Variants in STAT3 observed in about 807,000 individuals in gnomAD.
STAT3 encodes the protein DNA-binding protein APRF.
STAT3 carries 7 observed loss-of-function variants against 114.3 expected under a neutral mutation model. The observed-to-expected ratio is 0.06, with a 90% CI of 0.03 to 0.11. The LOEUF (loss-of-function observed/expected upper bound fraction) is 0.11. STAT3 is among the 10% of genes least tolerant of loss of function. The pLI, the probability that STAT3 is intolerant of heterozygous loss-of-function variation, is 1.00. For synonymous variants in STAT3, 331 were observed against 354.5 expected, an observed-to-expected ratio of 0.93 and a Z score of 0.74; for missense variants, 364 against 960.9, an observed-to-expected ratio of 0.38 and a Z score of 8.21.
At chr17:42,316,131 G>C in intron 23 of STAT3, 1 of 1,269,144 alleles carries the variant, frequency 7.9e-7, no homozygotes, top group Non-Finnish European at 1.0e-6. Context: ...TTTGAGATTT[G>C]GTTTGTCCAA....
At chr17:42,328,561 C>T (rs1416808591) in intron 14 of STAT3, among the ~76,000 whole-genome samples, 3 of 152,176 alleles carry the variant, frequency 2.0e-5, no homozygotes, top group Non-Finnish European at 4.4e-5. Context: ...GCGTGCACCA[C>T]CACACCCAGC....
intron 1 of STAT3, among the ~76,000 whole-genome samples, chr17:42,382,654 CTT>C (rs66812455): frequency 6.9e-6 from 1 of 145,558 alleles, no homozygotes; most frequent in Non-Finnish European, 1.5e-5. Flanking sequence ...TTTTTTTTTT[CTT>C]TTTTTTTTGA....
chr17:42,347,874 T>A (rs990984346), intron 2 of STAT3, among the ~76,000 whole-genome samples: 1 of 152,216 alleles, frequency 6.6e-6, no homozygotes, highest in African/African-American at 2.4e-5. Context: ...CAGCAGATGC[T>A]GCTATGCTTC....
chr17:42,330,110 CTTTTCTT>C (rs1215607064), intron 11 of STAT3, among the ~76,000 whole-genome samples: 1 of 148,486 alleles, frequency 6.7e-6, no homozygotes, highest in Non-Finnish European at 1.5e-5. Context: ...TGCATTTTAT[CTTTTCTT>C]TTTTCTTTTT....
intron 1 of STAT3, among the ~76,000 whole-genome samples, chr17:42,385,046 AT>A (rs1208422415): frequency 6.6e-6 from 1 of 152,212 alleles, no homozygotes; most frequent in African/African-American, 2.4e-5. Context: ...ATGTTCTTTT[AT>A]GTAGAACAGC....
chr17:42,354,806 C>CAAAAAAAAAAAAAAAAAAAAAAAA (rs59204136), intron 1 of STAT3, among the ~76,000 whole-genome samples: 1 of 104,440 alleles, frequency 9.6e-6, no homozygotes. Flanking sequence ...GACTCTGTCT[C>CAAAAAAAAAAAAAAAAAAAAAAAA]AAAAAAAAAA....
intron 1 of STAT3, among the ~76,000 whole-genome samples, chr17:42,362,025 GA>G (rs1160386048): frequency 6.6e-6 from 1 of 152,158 alleles, no homozygotes; most frequent in East Asian, 1.9e-4. Context: ...CAGAGAAAGG[GA>G]GGAGTAAGTG....
At chr17:42,319,695 A>C (rs1313100936) in intron 21 of STAT3, among the ~76,000 whole-genome samples, 1 of 151,958 alleles carries the variant, frequency 6.6e-6, no homozygotes, top group East Asian at 1.9e-4. Flanking sequence ...CCAGTAGAGA[A>C]GGAAGAGAGA....
At chr17:42,325,207 G>T in intron 15 of STAT3, 146 bp from the exon 16 acceptor site, 1 of 723,944 alleles carries the variant, frequency 1.4e-6, no homozygotes, top group Non-Finnish European at 2.3e-6. Context: ...GAGTGTGAGT[G>T]AGTCAGCTCA....
At chr17:42,338,923 T>C in intron 5 of STAT3, 111 bp from the exon 6 acceptor site, 1 of 975,918 alleles carries the variant, frequency 1.0e-6, no homozygotes, top group East Asian at 2.5e-5. Flanking sequence ...TCAAAAAAGA[T>C]ACATGCAGGA....
At chr17:42,329,679 G>A (rs776956111) in intron 12 of STAT3, 32 bp from the exon 13 acceptor site, 5 of 1,614,002 alleles carry the variant, frequency 3.1e-6, no homozygotes, top group East Asian at 2.2e-5. Flanking sequence ...AACTATGTAG[G>A]TGACCAAGTA....
chr17:42,334,123 T>G, intron 8 of STAT3, 74 bp from the exon 9 acceptor site: 3 of 1,537,236 alleles, frequency 2.0e-6, no homozygotes, highest in Non-Finnish European at 2.7e-6. Context: ...GGGAAGGAAA[T>G]ACTGAAGACA....
At chr17:42,356,947 C>T (rs918321630) in intron 1 of STAT3, among the ~76,000 whole-genome samples, 1 of 151,968 alleles carries the variant, frequency 6.6e-6, no homozygotes, top group Non-Finnish European at 1.5e-5. Flanking sequence ...GCCATCATAC[C>T]CGGCTAATTT....
chr17:42,345,474 G>T, intron 4 of STAT3, 85 bp downstream of exon 4: 1 of 1,085,674 alleles, frequency 9.2e-7, no homozygotes, highest in Non-Finnish European at 1.4e-6. Context: ...TTCTTTTTTA[G>T]TAGATCTAAT....
chr17:42,332,555 A>G (rs2082067497), intron 10 of STAT3, among the ~76,000 whole-genome samples: 1 of 149,452 alleles, frequency 6.7e-6, no homozygotes, highest in Non-Finnish European at 1.5e-5. Flanking sequence ...AAAAAAAAAA[A>G]AAAAAGGCCG....
At position 42,345,612 on chromosome 17, in the gene STAT3, G is replaced by T. The variant is rs2082662047; in HGVS notation, c.319C>A (p.Arg107=). The T allele has an allele frequency of 6.2e-7, 1 of 1,608,642 alleles. No individual in the cohort carries two copies. The highest frequency in any genetic ancestry group is 8.5e-7 in the Non-Finnish European group (1 of 1,176,970). Residue 107 remains arginine (R), a synonymous_variant, in exon 4 of 24, where the codon CGG becomes AGG. Coordinates refer to ENST00000264657, the MANE Select transcript of STAT3 (RefSeq NM_139276.3). ...KPMEIARIVA[R]CLWEESRLLQ... ...AGGCGTGATTCTTCCCACAGGCACCGGGCCACAATCCGGGCAATCTCCATT... is the reference window on the plus strand; with the variant it reads ...AGGCGTGATTCTTCCCACAGGCACCTGGCCACAATCCGGGCAATCTCCATT...
chr17:42,339,453 G>A (rs773760590), intron 4 of STAT3, 44 bp from the exon 5 acceptor site: 24 of 1,595,102 alleles, frequency 1.5e-5, no homozygotes, highest in Non-Finnish European at 1.6e-5. Context: ...CAGAACTATG[G>A]GGAGAGGAAT....
At chr17:42,317,029 C>T in intron 22 of STAT3, 128 bp from the exon 23 acceptor site, 2 of 1,557,084 alleles carry the variant, frequency 1.3e-6, no homozygotes, top group Non-Finnish European at 1.7e-6. Flanking sequence ...AATAAAAGCT[C>T]AAGCTTTTTA....
At position 42,315,569 on chromosome 17, in the gene STAT3, T is replaced by C; in HGVS notation, c.*176A>G. On this transcript the variant is annotated 3_prime_UTR_variant, in exon 24 of 24. Transcript: ENST00000264657. ...AGCAGATCACCCACATTCACTCATT[T>C]CTCTATTTTTAAAAGTGCCCAGATT... 1.5e-6 allele frequency: 1 copy of C among 675,792 alleles called. No homozygotes were observed. 41.9% of individuals were successfully genotyped at this position (675,792 alleles called of 1,614,324 possible). A position where few individuals can be genotyped will look rare whatever the true frequency, so the allele number is the denominator to read the frequency against.
Sources: allele counts gnomAD v4.1 joint callset (sites outside exome capture counted in the v4.1 genomes callset), GRCh38; gene constraint gnomAD v4.1.1; transcripts MANE v1.5; gene names NCBI Gene and HGNC (gene_info 2026-07-23, HGNC 2026-07-21).